SLC9B2: variants seen among roughly 807,000 people sequenced by gnomAD.
The protein encoded by SLC9B2 is solute carrier family 9 member B2.
Under a neutral mutation model 52.2 loss-of-function variants are expected in SLC9B2, and 39 were observed. That is an observed-to-expected ratio of 0.75 (90% CI 0.58 to 0.98). The LOEUF (loss-of-function observed/expected upper bound fraction) is 0.98. SLC9B2 is among the 50% of genes least tolerant of loss of function. The pLI, the probability that SLC9B2 is intolerant of heterozygous loss-of-function variation, is 0.00. For missense variants in SLC9B2, 626 were observed against 637.5 expected (o/e 0.98, Z 0.19); for synonymous variants, 214 against 227.0 (o/e 0.94, Z 0.51).
chr4:103,047,459 T>C (rs1359733095), intron 6 of SLC9B2, among the ~76,000 whole-genome samples: 1 of 151,884 alleles, frequency 6.6e-6, no homozygotes, highest in Non-Finnish European at 1.5e-5. Flanking sequence ...TTGTTACATA[T>C]GTATACATGT....
Position 103,026,443 on chromosome 4 carries a change from G to T in SLC9B2, c.1541C>A (p.Pro514His), listed in dbSNP as rs1742217742. The change falls in exon 12 of 12, where the codon CCC becomes CAC. Residue 514 changes from proline (P) to histidine (H), a missense_variant. By Grantham distance (77) the Pro-to-His change is moderately conservative (BLOSUM62 -2). Coordinates refer to ENST00000394785, the MANE Select transcript of SLC9B2 (RefSeq NM_178833.7). ...ATGTTCAACTTTCTGCAGAAGCCTG[G>T]GGCCCAGTAAACCAATAAGCAGACT... is the stretch of plus-strand genomic sequence containing the variant. The part of the protein sequence containing the change: ...IGSLLIGLLG[P>H]RLLQKVEHQN... The T allele has an allele frequency of 6.2e-7, 1 of 1,613,668 alleles. No individual in the cohort carries two copies. The highest frequency in any genetic ancestry group is 8.5e-7 in the Non-Finnish European group (1 of 1,179,878).
downstream of SLC9B2, chr4:103,020,279 C>G (rs879021003): frequency 2.6e-6 from 1 of 386,194 alleles, no homozygotes; most frequent in Non-Finnish European, 5.0e-6. Flanking sequence ...CGCATGAAAT[C>G]TTATGTGGAA....
At chr4:103,036,319 C>G (rs968714085) in intron 9 of SLC9B2, among the ~76,000 whole-genome samples, 3 of 152,102 alleles carry the variant, frequency 2.0e-5, no homozygotes, top group Non-Finnish European at 4.4e-5. Flanking sequence ...GGGAGCTAAA[C>G]AGTGAGTCCA....
intron 1 of SLC9B2, among the ~76,000 whole-genome samples, chr4:103,069,403 C>T (rs975126235): frequency 5.9e-5 from 9 of 152,186 alleles, no homozygotes; most frequent in African/African-American, 1.9e-4. Flanking sequence ...TTGGATAAGC[C>T]TGAATTTGAA....
At chr4:103,068,522 T>C (rs1211077771) in intron 1 of SLC9B2, among the ~76,000 whole-genome samples, 1 of 152,206 alleles carries the variant, frequency 6.6e-6, no homozygotes, top group Non-Finnish European at 1.5e-5. Context: ...CTTTCAAGCA[T>C]GAGAATAAAA....
At chr4:103,052,114 C>T (rs1034257430) in intron 4 of SLC9B2, among the ~76,000 whole-genome samples, 4 of 152,214 alleles carry the variant, frequency 2.6e-5, no homozygotes, top group African/African-American at 9.6e-5. Context: ...GCCTTTTTGG[C>T]ACCAGGGACC....
At chr4:103,033,080 T>C (rs986536632) in intron 9 of SLC9B2, among the ~76,000 whole-genome samples, 15 of 152,188 alleles carry the variant, frequency 9.9e-5, no homozygotes, top group Non-Finnish European at 2.1e-4. Flanking sequence ...AGGACCCTAA[T>C]TGATACAAGA....
rs529359077 is a variant in SLC9B2 at position 103,031,324 on chromosome 4, A to G, written c.1255+376T>C. Among the ~76,000 whole-genome samples the G allele has an allele frequency of 3.9e-5, 6 of 152,288 alleles. No individual in the cohort carries two copies. In the East Asian group the frequency reaches 1.2e-3, roughly 29 times the overall value. ...CAAGGCATTTCTATCCCATGGGTAC[A>G]AACTATAGAACTAACTAGTTGTCTT... On this transcript the variant is annotated intron_variant, in intron 10 of 11. Transcript: ENST00000394785.
At chr4:103,037,894 T>C (rs1279307366) in intron 9 of SLC9B2, among the ~76,000 whole-genome samples, 1 of 151,764 alleles carries the variant, frequency 6.6e-6, no homozygotes, top group Non-Finnish European at 1.5e-5. Context: ...AGAGTCTTGC[T>C]ATGTCACCCA....
At chr4:103,036,851 A>C (rs183191658) in intron 9 of SLC9B2, among the ~76,000 whole-genome samples, 21 of 152,310 alleles carry the variant, frequency 1.4e-4, no homozygotes, top group Admixed American at 8.5e-4. Context: ...AACTGAAAAG[A>C]AGCTATATTT....
At chr4:103,036,526 GA>G (rs576009276) in intron 9 of SLC9B2, among the ~76,000 whole-genome samples, 4 of 141,194 alleles carry the variant, frequency 2.8e-5, no homozygotes, top group South Asian at 2.2e-4. Context: ...AAGCTGAAAA[GA>G]AAAAAAAAAG....
At chr4:103,020,036 C>G, downstream of SLC9B2, 2 of 592,308 alleles carry the variant, frequency 3.4e-6, no homozygotes, top group Non-Finnish European at 4.3e-6. Context: ...AGAGCACGGT[C>G]TCTCCCCAAG....
At chr4:103,034,609 A>G (rs1037226243) in intron 9 of SLC9B2, among the ~76,000 whole-genome samples, 1 of 152,198 alleles carries the variant, frequency 6.6e-6, no homozygotes, top group African/African-American at 2.4e-5. Flanking sequence ...TCAACAAGCA[A>G]GAAACAAACA....
intron 5 of SLC9B2, among the ~76,000 whole-genome samples, chr4:103,049,873 G>A (rs751708767): frequency 6.6e-6 from 1 of 152,134 alleles, no homozygotes; most frequent in Non-Finnish European, 1.5e-5. Context: ...TTAGCCGGGT[G>A]TGGTAGTGCA....
chr4:103,077,053 G>A (rs1209122058), upstream of SLC9B2: 1 of 152,230 alleles, frequency 6.6e-6, no homozygotes, highest in African/African-American at 2.4e-5. Flanking sequence ...TCTATCAGCA[G>A]TGTGATTCTA....
Position 103,067,554 on chromosome 4 carries a change from T to C in SLC9B2, c.-4A>G. Reference sequence around the variant, plus strand: ...TTCTTTTATCTTCATCCCCCATTATTTATAATTAAGAAGATGACACAGGGA... The same window carrying C: ...TTCTTTTATCTTCATCCCCCATTATCTATAATTAAGAAGATGACACAGGGA... On this transcript the variant is annotated 5_prime_UTR_variant, in exon 2 of 12. Coordinates refer to ENST00000394785, the MANE Select transcript of SLC9B2 (RefSeq NM_178833.7). The C allele has an allele frequency of 6.2e-7, 1 of 1,601,206 alleles. No homozygotes were observed. The highest frequency in any genetic ancestry group is 8.6e-7 in the Non-Finnish European group (1 of 1,168,856).
At chr4:103,052,262 A>C (rs80337842) in intron 4 of SLC9B2, among the ~76,000 whole-genome samples, 1,957 of 152,322 alleles carry the variant, frequency 0.013, 39 homozygotes, top group African/African-American at 0.041. Context: ...TGCAGTTCAC[A>C]ATAGAACTCA....
chr4:103,020,191 A>G (rs1195451010), downstream of SLC9B2: 1 of 315,140 alleles, frequency 3.2e-6, no homozygotes, highest in Non-Finnish European at 6.2e-6. Context: ...AGTGTCTGGA[A>G]CAAAGACGCT....
chr4:103,066,220 A>G (rs1746107860), intron 3 of SLC9B2, 107 bp downstream of exon 3: 1 of 1,318,004 alleles, frequency 7.6e-7, no homozygotes, highest in Non-Finnish European at 1.0e-6. Context: ...ACTAGTTTTT[A>G]TGTTTGGGAG....
Sources: gnomAD v4.1 joint callset for allele counts (sites outside exome capture counted in the v4.1 genomes callset) on GRCh38, gnomAD v4.1.1 for gene constraint, MANE v1.5 for transcripts, NCBI Gene and HGNC (gene_info 2026-07-23, HGNC 2026-07-21) for gene names.